R3HDM1: variants seen among roughly 807,000 people sequenced by gnomAD.
The protein encoded by R3HDM1 is R3H domain-containing protein 1.
R3HDM1 carries 46 observed loss-of-function variants against 141.1 expected under a neutral mutation model. The ratio of observed to expected loss-of-function variants is 0.33; its 90% confidence interval spans 0.26 to 0.42. R3HDM1 has a LOEUF of 0.42. Ranked by LOEUF, R3HDM1 falls within the 10% of genes least tolerant of loss-of-function variation. The pLI, the probability that R3HDM1 is intolerant of heterozygous loss-of-function variation, is 1.00. For synonymous variants in R3HDM1, 435 were observed against 472.9 expected (o/e 0.92, Z 1.04); for missense variants, 1,184 against 1,368.3 (o/e 0.87, Z 2.12).
chr2:135,558,017 A>C (rs1231631670), intron 1 of R3HDM1, among the ~76,000 whole-genome samples: 1 of 152,258 alleles, frequency 6.6e-6, no homozygotes. Context: ...TAAGAGATAC[A>C]GTGGATAATG....
intron 1 of R3HDM1, among the ~76,000 whole-genome samples, chr2:135,541,524 A>G (rs1218408009): frequency 6.6e-6 from 1 of 152,018 alleles, no homozygotes; most frequent in Non-Finnish European, 1.5e-5. Context: ...CCTAATTTCA[A>G]TGTTGTTTTG....
intron 16 of R3HDM1, 27 bp downstream of exon 16, chr2:135,645,554 CT>C: frequency 6.2e-7 from 1 of 1,606,558 alleles, no homozygotes; most frequent in South Asian, 1.1e-5. Context: ...TTACATAATG[CT>C]AAGTTGACTT....
At chr2:135,632,572 T>C (rs1559298163) in intron 9 of R3HDM1, among the ~76,000 whole-genome samples, 1 of 152,188 alleles carries the variant, frequency 6.6e-6, no homozygotes. Flanking sequence ...TTTATAGTGT[T>C]ACGGAAGTAG....
Position 135,722,734 on chromosome 2 carries a change from A to C in R3HDM1, c.3049+181A>C, listed in dbSNP as rs142195592. Among the ~76,000 whole-genome samples, 795 of 152,198 alleles carry C rather than the reference A, an allele frequency of 5.2e-3. 6 individuals are homozygous for C. Among genetic ancestry groups the C allele is most frequent in the Middle Eastern group, 0.02 (6 of 294 alleles). ...GACCTTGTGTCATTTGAGATGTGAGAGTATATATGGTAAGATGCAGGTAGG... is the reference window on the plus strand; with the variant it reads ...GACCTTGTGTCATTTGAGATGTGAGCGTATATATGGTAAGATGCAGGTAGG... On this transcript the variant is annotated intron_variant, in intron 26 of 26. Coordinates refer to ENST00000683871, the MANE Select transcript of R3HDM1 (RefSeq NM_001378107.1).
intron 15 of R3HDM1, among the ~76,000 whole-genome samples, chr2:135,644,355 T>G (rs2105257114): frequency 6.6e-6 from 1 of 151,948 alleles, no homozygotes; most frequent in African/African-American, 2.4e-5. Context: ...ATGTAAAAAT[T>G]AGCCGGGCGT....
chr2:135,700,438 G>A (rs1453914144), intron 21 of R3HDM1, among the ~76,000 whole-genome samples: 1 of 152,122 alleles, frequency 6.6e-6, no homozygotes, highest in African/African-American at 2.4e-5. Flanking sequence ...ATGACTTACA[G>A]CATTTTAAGT....
intron 1 of R3HDM1, chr2:135,536,614 T>C (rs1696186403): frequency 4.5e-6 from 4 of 888,436 alleles, no homozygotes; most frequent in Non-Finnish European, 5.4e-6. Context: ...TAACTTGATA[T>C]TGTCTGATCT....
At chr2:135,674,237 T>C (rs532800058) in intron 19 of R3HDM1, among the ~76,000 whole-genome samples, 21 of 152,356 alleles carry the variant, frequency 1.4e-4, no homozygotes, top group African/African-American at 4.3e-4. Flanking sequence ...CTATAATCAA[T>C]ACTTGAAATT....
chr2:135,638,155 G>A (rs911449391), intron 11 of R3HDM1, among the ~76,000 whole-genome samples: 1 of 152,178 alleles, frequency 6.6e-6, no homozygotes, highest in African/African-American at 2.4e-5. Flanking sequence ...TTAGAAGACT[G>A]TTGTAATCAT....
intron 1 of R3HDM1, among the ~76,000 whole-genome samples, chr2:135,537,373 C>T (rs1574366276): frequency 6.8e-6 from 1 of 148,056 alleles, no homozygotes; most frequent in Non-Finnish European, 1.5e-5. Flanking sequence ...GCAACCTCCA[C>T]CTCCCAGGTT....
intron 23 of R3HDM1, among the ~76,000 whole-genome samples, chr2:135,712,265 C>G (rs2075731081): frequency 6.6e-6 from 1 of 151,998 alleles, no homozygotes; most frequent in South Asian, 2.1e-4. Flanking sequence ...GCCTCAACCT[C>G]CTGGGCTCAT....
chr2:135,617,823 A>G (rs2061177952), intron 5 of R3HDM1, among the ~76,000 whole-genome samples: 1 of 152,210 alleles, frequency 6.6e-6, no homozygotes, highest in African/African-American at 2.4e-5. Context: ...ACAGTTTCCA[A>G]GGAATTTGGG....
At position 135,724,576 on chromosome 2, in the gene R3HDM1, T is replaced by C. The variant is rs1193211422; in HGVS notation, c.*284T>C. On this transcript the variant is annotated 3_prime_UTR_variant, in exon 27 of 27. Coordinates refer to ENST00000683871, the MANE Select transcript of R3HDM1 (RefSeq NM_001378107.1). ...TTTTATAGTTATTTTGTTTTATATT[T>C]CTAAATTCTTGTATCAGATCCAAAG... is the stretch of plus-strand genomic sequence containing the variant. 3 of 282,138 alleles carry C rather than the reference T, an allele frequency of 1.1e-5. No homozygotes were observed. The highest frequency in any genetic ancestry group is 2.0e-5 in the Non-Finnish European group (3 of 152,388). 17.5% of individuals were successfully genotyped at this position (282,138 alleles called of 1,614,324 possible).
chr2:135,648,539 T>C lies in R3HDM1; in HGVS notation c.1624-1363T>C, dbSNP rs2289961. Among the ~76,000 whole-genome samples, 1,589 of 152,256 alleles carry C rather than the reference T, an allele frequency of 0.01. 99 individuals are homozygous for C. The East Asian group carries it at 0.19, about 18-fold the overall frequency. On this transcript the variant is annotated intron_variant, in intron 16 of 26. Transcript: ENST00000683871. ...ATGAATATACATTTTAACTAAGAGT[T>C]TTCATCAAGTGAGATTCCCTGGGTT...
At chr2:135,680,404 AC>A (rs1374348522) in intron 21 of R3HDM1, 80 bp downstream of exon 21, 1 of 1,452,284 alleles carries the variant, frequency 6.9e-7, no homozygotes, top group Non-Finnish European at 9.5e-7. Flanking sequence ...TTTAAAGTTG[AC>A]TAAGGGGCAT....
chr2:135,630,893 C>T (rs2062641520), intron 7 of R3HDM1, among the ~76,000 whole-genome samples: 1 of 151,774 alleles, frequency 6.6e-6, no homozygotes, highest in Admixed American at 6.6e-5. Flanking sequence ...CAGGGAGGTC[C>T]TTTGGGGAGT....
intron 7 of R3HDM1, among the ~76,000 whole-genome samples, chr2:135,630,281 C>CA (rs911009655): frequency 0.018 from 704 of 39,322 alleles, 115 homozygotes; most frequent in Non-Finnish European, 0.023. Flanking sequence ...CCTTCTCAAC[C>CA]AAAAAAAAAA....
At chr2:135,609,387 C>T (rs907773374) in intron 3 of R3HDM1, among the ~76,000 whole-genome samples, 1 of 152,140 alleles carries the variant, frequency 6.6e-6, no homozygotes, top group African/African-American at 2.4e-5. Flanking sequence ...GCATTAACGT[C>T]AGGAAGTTAA....
intron 21 of R3HDM1, among the ~76,000 whole-genome samples, chr2:135,708,809 A>C (rs975560965): frequency 6.6e-6 from 1 of 151,996 alleles, no homozygotes; most frequent in Non-Finnish European, 1.5e-5. Context: ...AAATGCAAAA[A>C]GTAGCCGGGT....
Sources: gnomAD v4.1 joint callset for allele counts (sites outside exome capture counted in the v4.1 genomes callset) on GRCh38, gnomAD v4.1.1 for gene constraint, MANE v1.5 for transcripts, NCBI Gene and HGNC (gene_info 2026-07-23, HGNC 2026-07-21) for gene names.